Variants in ALCAM observed in about 807,000 individuals in gnomAD.
The protein encoded by ALCAM is activated leukocyte cell adhesion molecule, also known as CD166 antigen.
Under a neutral mutation model 70.9 loss-of-function variants are expected in ALCAM, and 30 were observed. The observed-to-expected ratio is 0.42, with a 90% CI of 0.32 to 0.57. The LOEUF is 0.57. Among genes scored for constraint, ALCAM ranks in the 20% least tolerant of loss-of-function variants. ALCAM has a pLI of 0.11. For synonymous variants in ALCAM, 249 were observed against 242.5 expected, an observed-to-expected ratio of 1.03 and a Z score of -0.25; for missense variants, 591 against 695.1, an observed-to-expected ratio of 0.85 and a Z score of 1.68.
chr3:105,540,166 T>A, intron 7 of ALCAM, 64 bp downstream of exon 7: 1 of 1,508,326 alleles, frequency 6.6e-7, no homozygotes, highest in Non-Finnish European at 9.1e-7. Context: ...GACTTCTACA[T>A]GGATAGATTA....
At chr3:105,380,016 AT>A (rs1400538611) in intron 1 of ALCAM, among the ~76,000 whole-genome samples, 2 of 151,838 alleles carry the variant, frequency 1.3e-5, no homozygotes, top group African/African-American at 2.4e-5. Context: ...TAGTGATAAA[AT>A]AATGCATGTT....
chr3:105,571,182 AT>A (rs896386413), intron 14 of ALCAM, among the ~76,000 whole-genome samples: 23 of 152,332 alleles, frequency 1.5e-4, no homozygotes, highest in African/African-American at 5.3e-4. Flanking sequence ...CGCAGGTCCC[AT>A]CCCCACAGTT....
intron 1 of ALCAM, among the ~76,000 whole-genome samples, chr3:105,515,623 T>TGGGGG (rs1939361720): frequency 6.6e-6 from 1 of 151,968 alleles, no homozygotes; most frequent in Non-Finnish European, 1.5e-5. Context: ...AGAGTGGTGC[T>TGGGGG]GTCATCTAAT....
At chr3:105,473,207 G>A (rs1335486111) in intron 1 of ALCAM, among the ~76,000 whole-genome samples, 1 of 151,498 alleles carries the variant, frequency 6.6e-6, no homozygotes, top group Non-Finnish European at 1.5e-5. Flanking sequence ...AGCCAGAAGT[G>A]GAGTTCAAGC....
intron 1 of ALCAM, among the ~76,000 whole-genome samples, chr3:105,442,940 C>T (rs1389638301): frequency 3.9e-5 from 6 of 152,122 alleles, no homozygotes; most frequent in African/African-American, 1.4e-4. Flanking sequence ...AGGGATCCTC[C>T]CACTTGAGCC....
At chr3:105,393,553 A>G (rs1266044411) in intron 1 of ALCAM, among the ~76,000 whole-genome samples, 1 of 151,902 alleles carries the variant, frequency 6.6e-6, no homozygotes, top group Non-Finnish European at 1.5e-5. Flanking sequence ...GATCCAGATA[A>G]TTAGACCACA....
intron 1 of ALCAM, among the ~76,000 whole-genome samples, chr3:105,469,406 G>A (rs115606432): frequency 2.0e-3 from 298 of 151,096 alleles, no homozygotes; most frequent in Admixed American, 3.9e-3. Flanking sequence ...CGCTTTCCAG[G>A]TGCTATGGTG....
At chr3:105,449,560 A>C (rs1411184750) in intron 1 of ALCAM, among the ~76,000 whole-genome samples, 1 of 152,240 alleles carries the variant, frequency 6.6e-6, no homozygotes, top group Non-Finnish European at 1.5e-5. Context: ...ATGTTCAATT[A>C]ATCAGTTACC....
chr3:105,487,906 T>A (rs1249761668), intron 1 of ALCAM, among the ~76,000 whole-genome samples: 1 of 152,158 alleles, frequency 6.6e-6, no homozygotes, highest in African/African-American at 2.4e-5. Context: ...ATTGAGCTAC[T>A]GTTACAGTTT....
intron 14 of ALCAM, among the ~76,000 whole-genome samples, chr3:105,565,275 T>G (rs1940718175): frequency 6.6e-6 from 1 of 152,240 alleles, no homozygotes; most frequent in African/African-American, 2.4e-5. Context: ...TATACATATA[T>G]TAGACTGCTT....
intron 1 of ALCAM, among the ~76,000 whole-genome samples, chr3:105,451,991 T>G (rs1937439512): frequency 6.6e-6 from 1 of 152,214 alleles, no homozygotes; most frequent in African/African-American, 2.4e-5. Context: ...TTGTATTATC[T>G]GCCTCTGGTT....
chr3:105,437,742 AC>A (rs1217926220), intron 1 of ALCAM, among the ~76,000 whole-genome samples: 1 of 151,990 alleles, frequency 6.6e-6, no homozygotes, highest in Non-Finnish European at 1.5e-5. Flanking sequence ...TTTGAAATCT[AC>A]CCCAAAATTT....
At chr3:105,431,833 C>T (rs537034164) in intron 1 of ALCAM, among the ~76,000 whole-genome samples, 2 of 152,130 alleles carry the variant, frequency 1.3e-5, no homozygotes, top group East Asian at 1.9e-4. Flanking sequence ...TTTCAGAAGC[C>T]GTTCTTCCCA....
intron 1 of ALCAM, among the ~76,000 whole-genome samples, chr3:105,486,067 T>G (rs1236558466): frequency 6.6e-6 from 1 of 152,106 alleles, no homozygotes; most frequent in Non-Finnish European, 1.5e-5. Context: ...TCTGTAACTA[T>G]TAACTAAATC....
chr3:105,444,464 C>T (rs573326622), intron 1 of ALCAM, among the ~76,000 whole-genome samples: 16 of 147,148 alleles, frequency 1.1e-4, no homozygotes, highest in Admixed American at 1.1e-3. Context: ...GATACAATCA[C>T]TGCCCACTTG....
rs1330698870 is a variant in ALCAM, at chr3:105,548,196, T to C, written c.1374+673T>C. On this transcript the variant is annotated intron_variant, in intron 11 of 15. Transcript: ENST00000306107. ...CACTACCTGTTATTTTCTTTTACTATTAAGTCTTTGACCCTCCCCTTAAAG... is the reference window on the plus strand; with the variant it reads ...CACTACCTGTTATTTTCTTTTACTACTAAGTCTTTGACCCTCCCCTTAAAG... Among the ~76,000 whole-genome samples, 4 of 151,494 alleles carry C rather than the reference T, an allele frequency of 2.6e-5. No individual in the cohort carries two copies. In the East Asian group the frequency reaches 5.8e-4, roughly 22 times the overall value.
At chr3:105,537,556 G>C (rs997476909) in intron 6 of ALCAM, among the ~76,000 whole-genome samples, 1 of 152,090 alleles carries the variant, frequency 6.6e-6, no homozygotes, top group Non-Finnish European at 1.5e-5. Context: ...ACTGTGGTCT[G>C]TTCTACTTTC....
At chr3:105,407,301 C>T (rs1204798315) in intron 1 of ALCAM, among the ~76,000 whole-genome samples, 2 of 151,406 alleles carry the variant, frequency 1.3e-5, no homozygotes, top group East Asian at 3.9e-4. Context: ...CCCTAATGAA[C>T]ATAGATGCAA....
chr3:105,373,969 G>A (rs1263511620), intron 1 of ALCAM, among the ~76,000 whole-genome samples: 1 of 152,136 alleles, frequency 6.6e-6, no homozygotes, highest in African/African-American at 2.4e-5. Flanking sequence ...AGTGGGACAG[G>A]CTATCAAGAC....
Sources: allele counts gnomAD v4.1 joint callset (sites outside exome capture counted in the v4.1 genomes callset), GRCh38; gene constraint gnomAD v4.1.1; transcripts MANE v1.5; gene names NCBI Gene and HGNC (gene_info 2026-07-23, HGNC 2026-07-21).